Variants in PIP5K1B observed in about 807,000 individuals in gnomAD.
The protein encoded by PIP5K1B is phosphatidylinositol-4-phosphate 5-kinase type 1 beta, also known as phosphatidylinositol 4-phosphate 5-kinase type-1 beta.
In PIP5K1B, 42 loss-of-function variants were observed where a neutral mutation model predicts 67.0. The observed-to-expected ratio is 0.63, with a 90% CI of 0.49 to 0.81. The LOEUF is 0.81. Among genes scored for constraint, PIP5K1B ranks in the 30% least tolerant of loss-of-function variants. The probability of loss-of-function intolerance (pLI) is 0.00; values close to 1 mark genes in which losing one functional copy is unlikely to be tolerated. For synonymous variants in PIP5K1B, 214 were observed against 231.4 expected (o/e 0.92, Z 0.68); for missense variants, 459 against 646.3 (o/e 0.71, Z 3.14).
intron 2 of PIP5K1B, among the ~76,000 whole-genome samples, chr9:68,757,081 G>GA (rs1829962397): frequency 6.6e-6 from 1 of 152,084 alleles, no homozygotes; most frequent in Non-Finnish European, 1.5e-5. Context: ...AAAGTAGACT[G>GA]ACATTCCCAA....
chr9:68,968,810 T>A (rs1829183114), intron 14 of PIP5K1B, among the ~76,000 whole-genome samples: 1 of 152,024 alleles, frequency 6.6e-6, no homozygotes, highest in Admixed American at 6.6e-5. Context: ...CCCAGTTATG[T>A]CTCATGAAAG....
chr9:68,722,455 T>A (rs1827936596), intron 1 of PIP5K1B, among the ~76,000 whole-genome samples: 1 of 151,764 alleles, frequency 6.6e-6, no homozygotes, highest in South Asian at 2.1e-4. Flanking sequence ...CCTCAAGTGT[T>A]CCGCCCGCCT....
chr9:68,987,439 A>C (rs764182558), intron 14 of PIP5K1B, among the ~76,000 whole-genome samples: 2 of 150,340 alleles, frequency 1.3e-5, no homozygotes, highest in African/African-American at 2.5e-5. Flanking sequence ...GCAAGTGCCT[A>C]TAATCCCTGC....
At chr9:68,887,762 C>T (rs1200044251) in intron 6 of PIP5K1B, among the ~76,000 whole-genome samples, 1 of 152,080 alleles carries the variant, frequency 6.6e-6, no homozygotes, top group Non-Finnish European at 1.5e-5. Context: ...GCAGCATCAA[C>T]AGTCTGGTTA....
At chr9:69,007,037 C>T (rs749162561) in intron 15 of PIP5K1B, among the ~76,000 whole-genome samples, 9 of 152,328 alleles carry the variant, frequency 5.9e-5, no homozygotes, top group Non-Finnish European at 1.0e-4. Flanking sequence ...ACCTTACACT[C>T]ACCTCTTCCT....
Position 68,781,843 on chromosome 9 carries a change from G to A in PIP5K1B, c.-85-36618G>A, listed in dbSNP as rs1461927607. ...TCTTTGCCCACTATACATAGGCTAAGGCTAAGCTCTTTGTACTACTGCAAA... is the reference window on the plus strand; with the variant it reads ...TCTTTGCCCACTATACATAGGCTAAAGCTAAGCTCTTTGTACTACTGCAAA... On this transcript the variant is annotated intron_variant, in intron 2 of 15. Transcript: ENST00000265382. 1.8e-5 allele frequency: 3 copies of A among 166,914 alleles called. No homozygotes were observed. In the East Asian group the frequency reaches 5.8e-4, roughly 32 times the overall value. 10.3% of individuals were successfully genotyped at this position (166,914 alleles called of 1,614,324 possible).
At chr9:68,780,375 C>G (rs1358920794) in intron 2 of PIP5K1B, 2 of 1,613,298 alleles carry the variant, frequency 1.2e-6, no homozygotes, top group African/African-American at 2.7e-5. Flanking sequence ...CCGCCACGGC[C>G]TGCTGCTGCC....
intron 2 of PIP5K1B, among the ~76,000 whole-genome samples, chr9:68,754,050 T>A (rs912008650): frequency 6.6e-6 from 1 of 152,178 alleles, no homozygotes; most frequent in African/African-American, 2.4e-5. Flanking sequence ...GGATATTAAT[T>A]GTAACTCCAT....
At chr9:68,727,100 C>T (rs1294126831) in intron 1 of PIP5K1B, among the ~76,000 whole-genome samples, 1 of 151,882 alleles carries the variant, frequency 6.6e-6, no homozygotes, top group Non-Finnish European at 1.5e-5. Flanking sequence ...TAGTACTTAA[C>T]GTTGCAAATA....
At chr9:68,991,114 C>T (rs1406912365) in intron 14 of PIP5K1B, 26 bp from the exon 15 acceptor site, 1 of 1,306,052 alleles carries the variant, frequency 7.7e-7, no homozygotes, top group East Asian at 2.3e-5. Flanking sequence ...GGGCCTCATG[C>T]CCATCATTCA....
intron 4 of PIP5K1B, among the ~76,000 whole-genome samples, chr9:68,836,447 A>T (rs1834613403): frequency 6.6e-6 from 1 of 152,228 alleles, no homozygotes; most frequent in African/African-American, 2.4e-5. Context: ...CATAAAAAAC[A>T]AAACAAGACC....
chr9:68,929,919 C>A lies in PIP5K1B; in HGVS notation c.1202-4971C>A, dbSNP rs148180260. Among the ~76,000 whole-genome samples the A allele has an allele frequency of 3.8e-3, 581 of 152,346 alleles. 4 individuals carry two copies. Among genetic ancestry groups the A allele is most frequent in the South Asian group, 0.028 (135 of 4,828 alleles). ...TCCTGACCTCAAGTGATCCACCCAC[C>A]TTGGCCTCCCAAAGTGCTGGGATTA... On this transcript the variant is annotated intron_variant, in intron 12 of 15. Transcript: ENST00000265382.
intron 2 of PIP5K1B, among the ~76,000 whole-genome samples, chr9:68,744,059 A>G (rs1829151420): frequency 6.6e-6 from 1 of 152,164 alleles, no homozygotes. Flanking sequence ...CTTCCTGGAA[A>G]AGGAGGAAGG....
chr9:68,833,873 A>C (rs950296215), intron 4 of PIP5K1B, among the ~76,000 whole-genome samples: 1 of 152,188 alleles, frequency 6.6e-6, no homozygotes, highest in African/African-American at 2.4e-5. Flanking sequence ...CAATTTGGAC[A>C]TGTGAGTTTG....
chr9:68,978,998 C>G (rs1340325394), intron 14 of PIP5K1B, among the ~76,000 whole-genome samples: 1 of 152,176 alleles, frequency 6.6e-6, no homozygotes, highest in Non-Finnish European at 1.5e-5. Context: ...TGTTGTTGTG[C>G]TTTAACAACT....
At chr9:68,959,442 A>G (rs941028350) in intron 14 of PIP5K1B, among the ~76,000 whole-genome samples, 15 of 152,098 alleles carry the variant, frequency 9.9e-5, no homozygotes, top group African/African-American at 3.1e-4. Context: ...CACCAACCCC[A>G]TTCCATTCCC....
At chr9:68,851,267 G>C (rs968139854) in intron 4 of PIP5K1B, among the ~76,000 whole-genome samples, 3 of 152,200 alleles carry the variant, frequency 2.0e-5, no homozygotes, top group African/African-American at 7.2e-5. Context: ...CTGGGATCTT[G>C]TTAAAAGGCT....
chr9:68,996,411 A>G (rs1411634078), intron 15 of PIP5K1B, among the ~76,000 whole-genome samples: 1 of 152,204 alleles, frequency 6.6e-6, no homozygotes, highest in Non-Finnish European at 1.5e-5. Context: ...CTCATTTTCA[A>G]ATATTCAAAT....
chr9:68,924,918 C>T (rs1826608448), intron 12 of PIP5K1B, among the ~76,000 whole-genome samples: 1 of 152,094 alleles, frequency 6.6e-6, no homozygotes, highest in East Asian at 1.9e-4. Flanking sequence ...CTTTGATGTA[C>T]TTTCTACCAA....
Sources: gnomAD v4.1 joint callset for allele counts (sites outside exome capture counted in the v4.1 genomes callset) on GRCh38, gnomAD v4.1.1 for gene constraint, MANE v1.5 for transcripts, NCBI Gene and HGNC (gene_info 2026-07-23, HGNC 2026-07-21) for gene names.